Variants in MEPE observed in about 807,000 individuals in gnomAD.
The protein encoded by MEPE is matrix, extracellular phosphoglycoprotein with ASARM motif (bone).
MEPE carries 7 observed loss-of-function variants against 7.3 expected under a neutral mutation model. The ratio of observed to expected loss-of-function variants is 0.95; its 90% confidence interval spans 0.54 to 1.79. The LOEUF (loss-of-function observed/expected upper bound fraction) is 1.79, where lower values mean the gene tolerates loss of function less well. Among genes scored for constraint, MEPE ranks in the 40% most tolerant of loss-of-function variants. MEPE has a pLI of 0.00. For missense variants in MEPE, 623 were observed against 628.2 expected, an observed-to-expected ratio of 0.99 and a Z score of 0.09; for synonymous variants, 214 against 213.1, an observed-to-expected ratio of 1.00 and a Z score of -0.04.
intron 3 of MEPE, among the ~76,000 whole-genome samples, chr4:87,842,168 G>A (rs1018993549): frequency 2.6e-5 from 4 of 152,128 alleles, no homozygotes; most frequent in African/African-American, 7.2e-5. Flanking sequence ...AGCTACTCTC[G>A]TGAGTACTGG....
upstream of MEPE, among the ~76,000 whole-genome samples, chr4:87,832,565 C>T (rs537574060): frequency 6.6e-6 from 1 of 152,300 alleles, no homozygotes; most frequent in South Asian, 2.1e-4. Context: ...ATGCCTGTCA[C>T]ACAGTAGGCA....
intron 3 of MEPE, among the ~76,000 whole-genome samples, 189 bp from the exon 4 acceptor site, chr4:87,844,788 A>C (rs1723146014): frequency 6.6e-6 from 1 of 152,140 alleles, no homozygotes; most frequent in South Asian, 2.1e-4. Context: ...TTTCAAGCCT[A>C]GTTCATTCTT....
At chr4:87,822,023 C>A (rs2109985543) in intron 1 of MEPE, among the ~76,000 whole-genome samples, 1 of 152,228 alleles carries the variant, frequency 6.6e-6, no homozygotes, top group Non-Finnish European at 1.5e-5. Flanking sequence ...ACAGTGCCTG[C>A]CAAACCAACA....
chr4:87,834,261 G>A (rs959132953), intron 1 of MEPE, among the ~76,000 whole-genome samples: 2 of 152,142 alleles, frequency 1.3e-5, no homozygotes, highest in Non-Finnish European at 2.9e-5. Flanking sequence ...GCACCAGCCC[G>A]GAGGCAGATA....
intron 2 of MEPE, 31 bp downstream of exon 2, chr4:87,834,799 G>C (rs1553915404): frequency 5.7e-6 from 9 of 1,572,958 alleles, no homozygotes; most frequent in Non-Finnish European, 7.8e-6. Flanking sequence ...TTATATTTCA[G>C]ATAATCTCTT....
chr4:87,830,809 G>A (rs1000009864), upstream of MEPE, among the ~76,000 whole-genome samples: 1 of 125,482 alleles, frequency 8.0e-6, no homozygotes, highest in African/African-American at 3.0e-5. Context: ...AGGAACAGCA[G>A]AATTTAGATA....
chr4:87,840,095 T>C, intron 3 of MEPE: 1 of 1,523,788 alleles, frequency 6.6e-7, no homozygotes, highest in Non-Finnish European at 8.8e-7. Context: ...GAGTAACATT[T>C]GGTGTTTTAT....
In MEPE at chr4:87,845,724, G is replaced by A. The variant is rs1464991668; in HGVS notation, c.856G>A (p.Ala286Thr). The A allele has an allele frequency of 1.2e-6, 2 of 1,613,920 alleles. No homozygotes were observed. The highest frequency in any genetic ancestry group is 1.7e-5 in the Admixed American group (1 of 59,984). Reference sequence around the variant, plus strand: ...AGGCAAAGATATTCAAACAGGGTTTGCAGGCCCAAGTGAAGCTGAGAGTAC... The same window carrying A: ...AGGCAAAGATATTCAAACAGGGTTTACAGGCCCAAGTGAAGCTGAGAGTAC... ...LEGKDIQTGF[A>T]GPSEAESTHL... Residue 286 changes from alanine to threonine, a missense_variant, in exon 4 of 4, where the codon GCA becomes ACA. Coordinates refer to ENST00000361056, the MANE Select transcript of MEPE (RefSeq NM_020203.6).
At chr4:87,827,628 C>T (rs1330287129) in intron 1 of MEPE, among the ~76,000 whole-genome samples, 1 of 152,148 alleles carries the variant, frequency 6.6e-6, no homozygotes, top group Non-Finnish European at 1.5e-5. Flanking sequence ...CAGCCACTTC[C>T]AGCAATGTCA....
At chr4:87,836,082 A>C (rs1421215914) in intron 2 of MEPE, among the ~76,000 whole-genome samples, 1 of 152,090 alleles carries the variant, frequency 6.6e-6, no homozygotes, top group African/African-American at 2.4e-5. Flanking sequence ...CAGCTCAGCA[A>C]GGATGCAGAG....
chr4:87,834,644 T>G (rs1158937387), intron 1 of MEPE, 59 bp from the exon 2 acceptor site: 1 of 1,342,354 alleles, frequency 7.4e-7, no homozygotes, highest in Non-Finnish European at 1.1e-6. Flanking sequence ...TATCTCTTCT[T>G]ATGGCTGCAG....
chr4:87,832,149 T>C (rs1266870026), upstream of MEPE, among the ~76,000 whole-genome samples: 1 of 152,040 alleles, frequency 6.6e-6, no homozygotes, highest in Admixed American at 6.6e-5. Flanking sequence ...TAGTTTCTTC[T>C]TGCCCTTTTA....
At position 87,826,387 on chromosome 4, in the gene MEPE, T is replaced by G. The variant is rs532795801; in HGVS notation, c.-13+4916T>G. 4.0e-5 allele frequency among the ~76,000 whole-genome samples: 6 copies of G among 151,502 alleles called. No individual in the cohort carries two copies. The South Asian group carries it at 6.4e-4, about 16-fold the overall frequency. ...GTGCACACCACCACAACAGTTTTTT[T>G]TTTTGTTTTTGTTTTTTGTTTTTGT... On this transcript the variant is annotated intron_variant, in intron 1 of 3. Transcript: ENST00000424957.
intron 2 of MEPE, among the ~76,000 whole-genome samples, chr4:87,838,166 A>G (rs573303237): frequency 3.9e-5 from 6 of 152,324 alleles, no homozygotes; most frequent in African/African-American, 1.4e-4. Context: ...GCAGCATCAT[A>G]TCTTAATTCA....
chr4:87,846,545 G>A lies in MEPE; in HGVS notation c.*99G>A, dbSNP rs1723279082. 1.5e-5 allele frequency: 20 copies of A among 1,369,482 alleles called. No homozygotes were observed. Among genetic ancestry groups the A allele is most frequent in the Admixed American group, 2.3e-5 (1 of 44,332 alleles). 84.8% of individuals were successfully genotyped at this position (1,369,482 alleles called of 1,614,324 possible). A position where few individuals can be genotyped will look rare whatever the true frequency, so the allele number is the denominator to read the frequency against. On this transcript the variant is annotated 3_prime_UTR_variant, in exon 4 of 4. Coordinates refer to ENST00000361056, the MANE Select transcript of MEPE (RefSeq NM_020203.6). ...CTGACAGCTGACCAGGTGAAGAGAG[G>A]ATAGAGTGAAGAACTGAGTGAGCCA...
intron 1 of MEPE, among the ~76,000 whole-genome samples, chr4:87,825,785 A>G (rs1026725617): frequency 6.6e-6 from 1 of 152,218 alleles, no homozygotes; most frequent in South Asian, 2.1e-4. Flanking sequence ...TTTACTGCAC[A>G]GTACCTCCTA....
In MEPE at chr4:87,846,190, G is replaced by A. The variant is rs779559543; in HGVS notation, c.1322G>A (p.Arg441His). Residue 441 changes from arginine (R) to histidine (H), a missense_variant, in exon 4 of 4, where the codon CGT becomes CAT. Transcript: ENST00000361056. ...AGTCAGGGCCTGCCCATTCCTTCTC[G>A]TGGTCTTGATAATGAAATCAAAAAC... ...GKSQGLPIPS[R>H]GLDNEIKNEM... The A allele has an allele frequency of 1.5e-5, 24 of 1,613,820 alleles. No individual in the cohort carries two copies. Among genetic ancestry groups the A allele is most frequent in the Middle Eastern group, 1.6e-4 (1 of 6,084 alleles).
At chr4:87,831,556 C>A (rs1408550792), upstream of MEPE, among the ~76,000 whole-genome samples, 1 of 152,156 alleles carries the variant, frequency 6.6e-6, no homozygotes, top group Non-Finnish European at 1.5e-5. Context: ...TCCATCATCT[C>A]TGGCTGGGAT....
chr4:87,831,693 T>A (rs527535086), upstream of MEPE, among the ~76,000 whole-genome samples: 150 of 152,270 alleles, frequency 9.9e-4, no homozygotes, highest in Non-Finnish European at 1.5e-3. Flanking sequence ...AGCATTGCAA[T>A]GACCTACAGG....
Sources: allele counts gnomAD v4.1 joint callset (sites outside exome capture counted in the v4.1 genomes callset), GRCh38; gene constraint gnomAD v4.1.1; transcripts MANE v1.5; gene names NCBI Gene and HGNC (gene_info 2026-07-23, HGNC 2026-07-21).